The following PDP1 variants were observed in gnomAD, a reference collection of about 807,000 sequenced individuals.
PDP1 encodes pyruvate dehydrogenase phosphatase catalytic subunit 1, also known as pyruvate dehyrogenase phosphatase catalytic subunit 1.
A neutral mutation model predicts 37.1 loss-of-function variants in PDP1; 14 were observed. The observed-to-expected ratio is 0.38, with a 90% CI of 0.25 to 0.59. The LOEUF (loss-of-function observed/expected upper bound fraction) is 0.59, where lower values mean the gene tolerates loss of function less well. PDP1 is among the 20% of genes least tolerant of loss of function. The pLI is 0.67. For missense variants in PDP1, 544 were observed against 655.3 expected (o/e 0.83, Z 1.85); for synonymous variants, 251 against 243.3 (o/e 1.03, Z -0.29).
Position 93,918,079 on chromosome 8 carries a change from T to G in PDP1, c.-45+1000T>G, listed in dbSNP as rs1048367846. ...ATTGGAAAAAGGGACAAACGCGTCT[T>G]GGATTGAGATAGCTTTGATGTCTTT... On this transcript the variant is annotated intron_variant, in intron 1 of 1. Coordinates refer to ENST00000297598, the MANE Select transcript of PDP1 (RefSeq NM_018444.4). 7 of 956,786 alleles carry G rather than the reference T, an allele frequency of 7.3e-6. No homozygotes were observed. In the Admixed American group the frequency reaches 1.4e-4, roughly 19 times the overall value. The allele number at this position is 956,786 out of a possible 1,614,324, so 59.3% of individuals were successfully genotyped here. A position where few individuals can be genotyped will look rare whatever the true frequency, so the allele number is the denominator to read the frequency against.
rs751392690 is a variant in PDP1, at chr8:93,922,330, G to A, written c.271G>A (p.Ala91Thr). 6 of 1,614,204 alleles carry A rather than the reference G, an allele frequency of 3.7e-6. No homozygotes were observed. The highest frequency in any genetic ancestry group is 5.1e-6 in the Non-Finnish European group (6 of 1,180,032). The change falls in exon 2 of 2, where the codon GCT becomes ACT. Residue 91 changes from alanine to threonine, a missense_variant. Around this residue, in one of 5 missense-constraint regions of PDP1, gnomAD observed 342 missense variants for 414.0 expected, o/e 0.83. Transcript: ENST00000297598. The surrounding 1 kb of genome is among the most constrained non-coding windows in gnomAD (Gnocchi z 4.0). ...TPPQVNSILK[A>T]NEYSFKVPEF... ...TCCACAAGTCAATAGCATCCTTAAA[G>A]CTAATGAATACAGTTTCAAAGTGCC...
chr8:93,922,121 A>G lies in PDP1; in HGVS notation c.62A>G (p.Tyr21Cys), dbSNP rs780665993. 9 of 1,613,800 alleles carry G rather than the reference A, an allele frequency of 5.6e-6. No individual in the cohort carries two copies. Among genetic ancestry groups the G allele is most frequent in the African/African-American group, 1.3e-5 (1 of 75,032 alleles). Residue 21 changes from tyrosine (Y) to cysteine (C), a missense_variant, in exon 2 of 2, where the codon TAT becomes TGT. By Grantham distance (194) the Tyr-to-Cys change is radical. Around this residue, in one of 5 missense-constraint regions of PDP1, gnomAD observed 342 missense variants for 414.0 expected, o/e 0.83. Transcript: ENST00000297598. The surrounding 1 kb of genome is among the most constrained non-coding windows in gnomAD (Gnocchi z 4.0). Reference protein sequence around the residue: ...LIRNCELSRIYGTACYCHHKH... With the variant: ...LIRNCELSRICGTACYCHHKH... ...CGTAACTGTGAACTGAGCAGGATCT[A>G]TGGCACTGCATGTTACTGCCACCAC...
chr8:93,923,088 G>A lies in PDP1; in HGVS notation c.1029G>A (p.Leu343=). Residue 343 remains leucine, a synonymous_variant, in exon 2 of 2, where the codon CTG becomes CTA. Transcript: ENST00000297598. The surrounding 1 kb of genome is among the most constrained non-coding windows in gnomAD (Gnocchi z 4.3). The part of the protein sequence containing the change: ...EAKSVVKQDR[L]LGLLMPFRAF... ...AGAGTGTCGTGAAACAGGATCGGCTGCTTGGCTTGCTGATGCCATTTAGGG... is the reference window on the plus strand; with the variant it reads ...AGAGTGTCGTGAAACAGGATCGGCTACTTGGCTTGCTGATGCCATTTAGGG... 6.2e-7 allele frequency: 1 copy of A among 1,614,160 alleles called. No homozygotes were observed. Among genetic ancestry groups the A allele is most frequent in the Non-Finnish European group, 8.5e-7 (1 of 1,180,026 alleles).
intron 1 of PDP1, chr8:93,919,869 C>T (rs1293450700): frequency 6.6e-6 from 1 of 152,178 alleles, no homozygotes; most frequent in African/African-American, 2.4e-5. Flanking sequence ...AAGCCACTGT[C>T]ATGTGGCCCA....
At chr8:93,917,695 C>T (rs1810118921) in intron 1 of PDP1, 5 of 975,276 alleles carry the variant, frequency 5.1e-6, no homozygotes, top group Non-Finnish European at 7.5e-6. Context: ...CTTCCTTGTT[C>T]TCTCCACCCC....
At chr8:93,920,991 T>C (rs4236819) in intron 1 of PDP1, 401,741 of 982,490 alleles carry the variant, frequency 0.41, 82,953 homozygotes, top group East Asian at 0.67. Flanking sequence ...GCAGGGAACA[T>C]TGTTAGTAGG....
In PDP1 at chr8:93,923,837, G is replaced by T. The variant is rs1027794562; in HGVS notation, c.*164G>T. On this transcript the variant is annotated 3_prime_UTR_variant, in exon 2 of 2. Coordinates refer to ENST00000297598, the MANE Select transcript of PDP1 (RefSeq NM_018444.4). The surrounding 1 kb of genome is among the most constrained non-coding windows in gnomAD (Gnocchi z 4.3). ...TCCAAATTGACTTTGCAGCAGGGTG[G>T]CAGGGTCAGGAGAGTCTGGTCCTGC... The T allele has an allele frequency of 5.9e-6, 4 of 681,926 alleles. No homozygotes were observed. Among genetic ancestry groups the T allele is most frequent in the African/African-American group, 1.8e-5 (1 of 56,664 alleles). The allele number at this position is 681,926 out of a possible 1,614,324, so 42.2% of individuals were successfully genotyped here.
chr8:93,923,936 T>C lies in PDP1; in HGVS notation c.*263T>C. The stretch of plus-strand genomic sequence containing the variant: ...TCACAGGTGTCTTGAAACATTAGCT[T>C]CTTTTACCAACCTGAGAAAATTAGG... On this transcript the variant is annotated 3_prime_UTR_variant, in exon 2 of 2. Transcript: ENST00000297598. The surrounding 1 kb of genome is among the most constrained non-coding windows in gnomAD (Gnocchi z 4.3). 2 of 440,204 alleles carry C rather than the reference T, an allele frequency of 4.5e-6. No individual in the cohort carries two copies. Among genetic ancestry groups the C allele is most frequent in the East Asian group, 9.7e-5 (2 of 20,534 alleles). The allele number at this position is 440,204 out of a possible 1,614,324, so 27.3% of individuals were successfully genotyped here. A position where few individuals can be genotyped will look rare whatever the true frequency, so the allele number is the denominator to read the frequency against.
chr8:93,921,209 G>A lies in PDP1; in HGVS notation c.-44-807G>A, dbSNP rs1040474500. ...AAGAGCCTTAGATAGCATCTGCTCT[G>A]TTGATGTTCCTTTACAGGTTAGAAG... is the stretch of plus-strand genomic sequence containing the variant. On this transcript the variant is annotated intron_variant, in intron 1 of 1. Coordinates refer to ENST00000297598, the MANE Select transcript of PDP1 (RefSeq NM_018444.4). The A allele has an allele frequency of 8.2e-6, 8 of 974,202 alleles. No homozygotes were observed. The African/African-American group carries it at 1.2e-4, about 15-fold the overall frequency. The allele number at this position is 974,202 out of a possible 1,614,324, so 60.3% of individuals were successfully genotyped here.
intron 1 of PDP1, chr8:93,918,043 G>A (rs1224981688): frequency 2.2e-6 from 3 of 1,340,272 alleles, no homozygotes; most frequent in East Asian, 2.4e-5. Flanking sequence ...TGGTATTAAG[G>A]GATGAGATAG....
chr8:93,922,034 C>T lies in PDP1; in HGVS notation c.-26C>T, dbSNP rs1189211504. 4 of 1,593,000 alleles carry T rather than the reference C, an allele frequency of 2.5e-6. No individual in the cohort carries two copies. The highest frequency in any genetic ancestry group is 1.1e-5 in the South Asian group (1 of 88,390). ...TGTCTAGGAATCCCAGTCAGAAGTTCCAGCCTGCCACTGTTCTCTGATGCC... is the reference window on the plus strand; with the variant it reads ...TGTCTAGGAATCCCAGTCAGAAGTTTCAGCCTGCCACTGTTCTCTGATGCC... On this transcript the variant is annotated 5_prime_UTR_variant, in exon 2 of 2. Transcript: ENST00000297598. This position sits in a 1 kb window ranked among gnomAD's most constrained non-coding sequence, Gnocchi z 4.0.
intron 1 of PDP1, chr8:93,917,625 G>A: frequency 1.8e-6 from 1 of 541,054 alleles, no homozygotes; most frequent in South Asian, 2.3e-5. Context: ...GCTCGCGCCT[G>A]GGCCCCGCTG....
At chr8:93,920,526 G>A in intron 1 of PDP1, 6 of 943,640 alleles carry the variant, frequency 6.4e-6, no homozygotes, top group Non-Finnish European at 6.3e-6. Flanking sequence ...GAAGAAGAGG[G>A]ATTTTTTTTC....
chr8:93,921,730 C>G, intron 1 of PDP1: 1 of 291,472 alleles, frequency 3.4e-6, no homozygotes, highest in African/African-American at 2.2e-5. Flanking sequence ...GTTGTACATT[C>G]TGCACAGTTT....
intron 1 of PDP1, chr8:93,921,615 A>G (rs1044986085): frequency 6.3e-6 from 1 of 158,810 alleles, no homozygotes; most frequent in African/African-American, 2.4e-5. Flanking sequence ...GGAGATTTCA[A>G]GGCATTTTTT....
rs754001678 is a variant in PDP1, at chr8:93,922,844, A to C, written c.785A>C (p.Tyr262Ser). The change falls in exon 2 of 2, where the codon TAC becomes TCC. Residue 262 changes from tyrosine to serine, a missense_variant. Tyr to Ser is a moderately radical substitution (Grantham distance 144). Transcript: ENST00000297598. The surrounding 1 kb of genome is among the most constrained non-coding windows in gnomAD (Gnocchi z 4.0). ...GGTGATCCTAATTCTTTTCTCAACT[A>C]CCTGGTGCTTCGAGTGGCATTTTCT... ...QVGDPNSFLN[Y>S]LVLRVAFSGA... 1 of 1,614,100 alleles carries C rather than the reference A, an allele frequency of 6.2e-7. No homozygotes were observed. Among genetic ancestry groups the C allele is most frequent in the South Asian group, 1.1e-5 (1 of 91,086 alleles).
At chr8:93,919,674 G>GT (rs1810204425) in intron 1 of PDP1, among the ~76,000 whole-genome samples, 1 of 124,318 alleles carries the variant, frequency 8.0e-6, no homozygotes, top group Non-Finnish European at 1.7e-5. Context: ...CATTTTCATT[G>GT]TTTTTTTCTG....
intron 1 of PDP1, chr8:93,918,851 C>T (rs1810170186): frequency 6.6e-6 from 1 of 152,178 alleles, no homozygotes; most frequent in South Asian, 2.1e-4. Context: ...TTTGAAAGTA[C>T]TTTGACTCCC....
At chr8:93,921,491 A>G (rs1401413409) in intron 1 of PDP1, 2 of 291,574 alleles carry the variant, frequency 6.9e-6, no homozygotes, top group Non-Finnish European at 5.1e-6. Flanking sequence ...AAATACACAT[A>G]TGTTTGGCTG....
Sources: gnomAD v4.1 joint callset for allele counts (sites outside exome capture counted in the v4.1 genomes callset) on GRCh38, gnomAD v4.1.1 for gene constraint, gnomAD v4.1.1 regional missense constraint, Gnocchi (gnomAD v3.1) non-coding constraint, MANE v1.5 for transcripts, NCBI Gene and HGNC (gene_info 2026-07-23, HGNC 2026-07-21) for gene names.